The following MTBP variants were observed in gnomAD, a reference collection of about 807,000 sequenced individuals.
MTBP encodes MDM2 binding protein.
Under a neutral mutation model 117.0 loss-of-function variants are expected in MTBP, and 101 were observed. The ratio of observed to expected loss-of-function variants is 0.86; its 90% CI spans 0.73 to 1.02. The LOEUF (loss-of-function observed/expected upper bound fraction) is 1.02, where lower values mean the gene tolerates loss of function less well. MTBP is among the 50% of genes least tolerant of loss of function. MTBP has a pLI of 0.00. For synonymous variants in MTBP, 350 were observed against 351.5 expected (o/e 1.00, Z 0.05); for missense variants, 970 against 1,030.9 (o/e 0.94, Z 0.81).
chr8:120,504,195 A>G (rs1239490063), intron 15 of MTBP, among the ~76,000 whole-genome samples: 2 of 152,160 alleles, frequency 1.3e-5, no homozygotes, highest in Non-Finnish European at 2.9e-5. Context: ...AGGCAGGAGA[A>G]GACAAGAAAG....
rs1437674234 is a variant in MTBP, at chr8:120,502,476, A to G, written c.1610-16A>G. The G allele has an allele frequency of 3.3e-6, 5 of 1,509,280 alleles. No homozygotes were observed. Among genetic ancestry groups the G allele is most frequent in the South Asian group, 1.2e-5 (1 of 81,090 alleles). 93.5% of individuals were successfully genotyped at this position (1,509,280 alleles called of 1,614,324 possible). A position where few individuals can be genotyped will look rare whatever the true frequency, so the allele number is the denominator to read the frequency against. ...GATAATACTTTTCAGACTTATGTGT[A>G]TTTCTTTCACTTTAGATTTTAGTCC... On this transcript the variant is annotated splice_polypyrimidine_tract_variant and intron_variant, in intron 14 of 21. Transcript: ENST00000305949.
Position 120,493,477 on chromosome 8 carries a change from T to G in MTBP, c.1447+2907T>G, listed in dbSNP as rs147575861. ...TTGAGTGTGTGTGTGTATGTGTGTG[T>G]GGGGGTGTATATATATAATTTTTTT... is the stretch of plus-strand genomic sequence containing the variant. On this transcript the variant is annotated intron_variant, in intron 13 of 21. Transcript: ENST00000305949. Among the ~76,000 whole-genome samples the G allele has an allele frequency of 5.7e-3, 847 of 148,868 alleles. 12 individuals carry two copies. The highest frequency in any genetic ancestry group is 0.019 in the African/African-American group (763 of 39,360).
chr8:120,456,600 T>C lies in MTBP; in HGVS notation c.677T>C (p.Leu226Ser). The C allele has an allele frequency of 6.2e-7, 1 of 1,601,232 alleles. No homozygotes were observed. Among genetic ancestry groups the C allele is most frequent in the Non-Finnish European group, 8.5e-7 (1 of 1,172,036 alleles). ...TACCTTTCTGCTAATGTTGTATCTT[T>C]AGAAGATCTCAGAAATGTTATTGAC... is the stretch of plus-strand genomic sequence containing the variant. ...AEYLSANVVS[L>S]EDLRNVIDSK... The change falls in exon 7 of 22, where the codon TTA becomes TCA. Residue 226 changes from leucine to serine, a missense_variant. Transcript: ENST00000305949.
chr8:120,475,060 A>T (rs1374321999), intron 11 of MTBP, among the ~76,000 whole-genome samples: 1 of 151,162 alleles, frequency 6.6e-6, no homozygotes, highest in Non-Finnish European at 1.5e-5. Context: ...CAGTAAATAG[A>T]ACAAAATCCT....
intron 10 of MTBP, among the ~76,000 whole-genome samples, chr8:120,464,647 A>T (rs935888069): frequency 6.6e-6 from 1 of 152,070 alleles, no homozygotes; most frequent in Non-Finnish European, 1.5e-5. Flanking sequence ...TTGACTATAT[A>T]GTAACTTAAA....
intron 2 of MTBP, among the ~76,000 whole-genome samples, chr8:120,446,738 A>T (rs1262873721): frequency 6.6e-6 from 1 of 152,064 alleles, no homozygotes; most frequent in South Asian, 2.1e-4. Flanking sequence ...TCTCAGCTTG[A>T]ATTTTGCTCC....
At chr8:120,450,049 T>C (rs1813306302) in intron 2 of MTBP, among the ~76,000 whole-genome samples, 1 of 152,006 alleles carries the variant, frequency 6.6e-6, no homozygotes, top group African/African-American at 2.4e-5. Flanking sequence ...AAAAAAGAAA[T>C]ACTTTGAGAA....
intron 11 of MTBP, chr8:120,473,972 C>T (rs947899136): frequency 2.0e-5 from 3 of 151,914 alleles, no homozygotes; most frequent in Non-Finnish European, 4.4e-5. Context: ...TTTTTCCTCT[C>T]ATAACTTTCT....
At chr8:120,495,661 G>A (rs1423452774) in intron 13 of MTBP, among the ~76,000 whole-genome samples, 1 of 151,594 alleles carries the variant, frequency 6.6e-6, no homozygotes, top group Non-Finnish European at 1.5e-5. Context: ...TTCTAGTTTT[G>A]GGGGGATATC....
intron 20 of MTBP, among the ~76,000 whole-genome samples, chr8:120,519,349 C>T (rs758192535): frequency 1.3e-5 from 2 of 151,978 alleles, no homozygotes; most frequent in African/African-American, 2.4e-5. Flanking sequence ...AATCATCCTT[C>T]GCAGAGACCA....
At chr8:120,511,388 C>T (rs564521369) in intron 17 of MTBP, among the ~76,000 whole-genome samples, 6 of 152,302 alleles carry the variant, frequency 3.9e-5, no homozygotes, top group South Asian at 2.1e-4. Flanking sequence ...CTCCGTTTCC[C>T]GGGTTCAAGT....
intron 10 of MTBP, among the ~76,000 whole-genome samples, chr8:120,465,757 T>G (rs1422565252): frequency 6.8e-6 from 1 of 146,830 alleles, no homozygotes; most frequent in Non-Finnish European, 1.5e-5. Flanking sequence ...CCTCCCGGGT[T>G]CAAGTGATTC....
chr8:120,488,588 T>G (rs776272111), intron 12 of MTBP, among the ~76,000 whole-genome samples: 12 of 152,158 alleles, frequency 7.9e-5, no homozygotes, highest in Non-Finnish European at 1.2e-4. Context: ...AAAATGAAAT[T>G]TTTAGTATTT....
intron 12 of MTBP, among the ~76,000 whole-genome samples, chr8:120,489,652 C>A (rs1391457627): frequency 6.6e-6 from 1 of 152,150 alleles, no homozygotes; most frequent in East Asian, 1.9e-4. Flanking sequence ...AACACACTCA[C>A]ATGCAAGTTA....
chr8:120,495,645 T>C (rs1033815180), intron 13 of MTBP, among the ~76,000 whole-genome samples: 2 of 152,150 alleles, frequency 1.3e-5, no homozygotes, highest in African/African-American at 4.8e-5. Flanking sequence ...TATTACTATG[T>C]TTTTGTTCTA....
chr8:120,501,558 GA>G (rs202002423), intron 14 of MTBP, among the ~76,000 whole-genome samples: 1,116 of 97,300 alleles, frequency 0.011, 3 homozygotes, highest in African/African-American at 0.021. Flanking sequence ...TCTGGAAAAA[GA>G]AAAAAAAAAA....
At chr8:120,462,869 A>G (rs1367596286) in intron 9 of MTBP, among the ~76,000 whole-genome samples, 1 of 152,172 alleles carries the variant, frequency 6.6e-6, no homozygotes, top group Non-Finnish European at 1.5e-5. Flanking sequence ...GGGTTTCCAT[A>G]TAAAATGTCA....
chr8:120,468,688 C>T lies in MTBP; in HGVS notation c.1048-2132C>T, dbSNP rs928488876. 3.0e-4 allele frequency among the ~76,000 whole-genome samples: 46 copies of T among 151,954 alleles called. 1 individual carries two copies. Among genetic ancestry groups the T allele is most frequent in the Non-Finnish European group, 8.8e-5 (6 of 67,882 alleles). Reference sequence around the variant, plus strand: ...TTGGGCCCTTTCTGTTGACCAATGCCGGCTACAGGTGTTGCAGTTTTTGGT... The same window carrying T: ...TTGGGCCCTTTCTGTTGACCAATGCTGGCTACAGGTGTTGCAGTTTTTGGT... On this transcript the variant is annotated intron_variant, in intron 10 of 21. Coordinates refer to ENST00000305949, the MANE Select transcript of MTBP (RefSeq NM_022045.5).
At chr8:120,499,791 T>C (rs1217873190) in intron 14 of MTBP, among the ~76,000 whole-genome samples, 4 of 152,238 alleles carry the variant, frequency 2.6e-5, no homozygotes, top group Non-Finnish European at 5.9e-5. Context: ...ACAAAGTTGC[T>C]AAAGACTTTG....
Sources: allele counts gnomAD v4.1 joint callset (sites outside exome capture counted in the v4.1 genomes callset), GRCh38; gene constraint gnomAD v4.1.1; transcripts MANE v1.5; gene names NCBI Gene and HGNC (gene_info 2026-07-23, HGNC 2026-07-21).